The following CKAP5 variants were observed in gnomAD, a reference collection of about 807,000 sequenced individuals.
CKAP5 encodes the protein cytoskeleton associated protein 5.
In CKAP5, 27 loss-of-function variants were observed where a neutral mutation model predicts 232.8. That is an observed-to-expected ratio of 0.12 (90% CI 0.09 to 0.16). CKAP5 has a LOEUF of 0.16. CKAP5 is among the 10% of genes least tolerant of loss of function. The probability of loss-of-function intolerance (pLI) is 1.00; values close to 1 mark genes in which losing one functional copy is unlikely to be tolerated. For synonymous variants in CKAP5, 785 were observed against 841.1 expected (o/e 0.93, Z 1.16); for missense variants, 1,838 against 2,424.7 (o/e 0.76, Z 5.08).
At chr11:46,789,662 G>C (rs997725796) in intron 15 of CKAP5, among the ~76,000 whole-genome samples, 2 of 152,056 alleles carry the variant, frequency 1.3e-5, no homozygotes, top group South Asian at 2.1e-4. Flanking sequence ...CGGGTGTGGT[G>C]GTGGGCGCCT....
chr11:46,795,561 T>G (rs1327070994), intron 13 of CKAP5, 33 bp downstream of exon 13: 1 of 1,571,158 alleles, frequency 6.4e-7, no homozygotes, highest in Admixed American at 1.8e-5. Context: ...AGACCCTTCC[T>G]TACTAACTTC....
intron 32 of CKAP5, among the ~76,000 whole-genome samples, chr11:46,761,702 T>TG (rs2065156351): frequency 6.6e-6 from 1 of 152,232 alleles, no homozygotes; most frequent in African/African-American, 2.4e-5. Flanking sequence ...CAGAGCAGAC[T>TG]GCCAGGCAGA....
chr11:46,754,127 A>G (rs1453114102), intron 36 of CKAP5, among the ~76,000 whole-genome samples: 1 of 151,590 alleles, frequency 6.6e-6, no homozygotes, highest in Admixed American at 6.6e-5. Flanking sequence ...CCTCCCGAGT[A>G]GCTGGGATTA....
intron 23 of CKAP5, 119 bp from the exon 24 acceptor site, chr11:46,776,502 C>T (rs569660044): frequency 1.6e-6 from 1 of 639,478 alleles, no homozygotes; most frequent in Non-Finnish European, 2.4e-6. Context: ...CATGAACATA[C>T]ATGAAACCAT....
intron 12 of CKAP5, among the ~76,000 whole-genome samples, chr11:46,796,294 A>G (rs1938873487): frequency 6.6e-6 from 1 of 152,078 alleles, no homozygotes. Flanking sequence ...TTATTTCTTT[A>G]CAAATTAGAA....
rs771488318 is a variant in CKAP5 at position 46,778,504 on chromosome 11, G to A, written c.2529C>T (p.Asp843=). 7.4e-6 allele frequency: 12 copies of A among 1,613,930 alleles called. No individual in the cohort carries two copies. Among genetic ancestry groups the A allele is most frequent in the Admixed American group, 1.7e-5 (1 of 59,994 alleles). The change falls in exon 21 of 44, where the codon GAC becomes GAT. Residue 843 remains aspartate (D), a synonymous_variant. Transcript: ENST00000529230. ...DEGEDGDEPD[D]GSNDVVDLLP... is the part of the protein sequence containing the mutation. ...AAAGATCAACGACATCATTGCTCCCGTCATCTGGTTCATCTCCATCTTCTC... is the reference window on the plus strand; with the variant it reads ...AAAGATCAACGACATCATTGCTCCCATCATCTGGTTCATCTCCATCTTCTC...
chr11:46,759,911 A>C (rs2065141314), intron 33 of CKAP5, among the ~76,000 whole-genome samples: 1 of 152,126 alleles, frequency 6.6e-6, no homozygotes, highest in Non-Finnish European at 1.5e-5. Flanking sequence ...ATTTTGTGAG[A>C]CCACCAGTCA....
chr11:46,842,873 A>C (rs1259904187), intron 1 of CKAP5, among the ~76,000 whole-genome samples: 2 of 147,576 alleles, frequency 1.4e-5, no homozygotes, highest in African/African-American at 5.1e-5. Context: ...AGGCTGAGGC[A>C]GGAGAATGGC....
At position 46,778,548 on chromosome 11, in the gene CKAP5, T is replaced by C. The variant is rs903265053; in HGVS notation, c.2485A>G (p.Thr829Ala). Residue 829 changes from threonine to alanine, a missense_variant, in exon 21 of 44, where the codon ACA becomes GCA. Coordinates refer to ENST00000529230, the MANE Select transcript of CKAP5 (RefSeq NM_001008938.4). ...APTRGISKHSTSGTDEGEDGD... is the reference protein window; with the variant it reads ...APTRGISKHSASGTDEGEDGD... ...TCTTCTCCTTCATCTGTACCACTTG[T>C]GCTATGCTTGGAAATTCCTCTGGTT... The C allele has an allele frequency of 6.2e-7, 1 of 1,613,960 alleles. No individual in the cohort carries two copies. Among genetic ancestry groups the C allele is most frequent in the African/African-American group, 1.3e-5 (1 of 74,946 alleles).
intron 27 of CKAP5, among the ~76,000 whole-genome samples, chr11:46,766,377 A>C (rs2065202644): frequency 6.6e-6 from 1 of 152,246 alleles, no homozygotes; most frequent in Admixed American, 6.5e-5. Flanking sequence ...TGGGATGAGG[A>C]CAGGCAGACA....
chr11:46,830,733 A>C (rs1202646744), intron 1 of CKAP5, among the ~76,000 whole-genome samples: 1 of 152,176 alleles, frequency 6.6e-6, no homozygotes, highest in Non-Finnish European at 1.5e-5. Context: ...ACATGTTTGA[A>C]TGCACATAAA....
intron 31 of CKAP5, 21 bp downstream of exon 31, chr11:46,762,606 A>G (rs771497140): frequency 1.2e-6 from 2 of 1,613,444 alleles, no homozygotes; most frequent in South Asian, 2.2e-5. Flanking sequence ...TTCACATCTC[A>G]GTTTAAACTG....
At chr11:46,794,031 A>G (rs1163782501) in intron 13 of CKAP5, among the ~76,000 whole-genome samples, 3 of 152,224 alleles carry the variant, frequency 2.0e-5, no homozygotes, top group African/African-American at 7.2e-5. Flanking sequence ...TATTCAACAA[A>G]TGGTGCTGGG....
At chr11:46,835,332 G>A (rs949562241) in intron 1 of CKAP5, among the ~76,000 whole-genome samples, 14 of 151,884 alleles carry the variant, frequency 9.2e-5, no homozygotes, top group African/African-American at 2.9e-4. Flanking sequence ...AGGAGCAGAC[G>A]GCAGAGTATC....
chr11:46,811,236 TAGCTTTTCTTC>T (rs2134673989), intron 4 of CKAP5, 58 bp from the exon 5 acceptor site: 1 of 1,360,670 alleles, frequency 7.3e-7, no homozygotes, highest in African/African-American at 1.5e-5. Context: ...AATAAAGCAT[TAGCTTTTCTTC>T]ATTCAAACAT....
Position 46,770,959 on chromosome 11 carries a change from T to C in CKAP5, c.3015A>G (p.Lys1005=). The C allele has an allele frequency of 6.2e-7, 1 of 1,613,426 alleles. No homozygotes were observed. The highest frequency in any genetic ancestry group is 1.1e-5 in the South Asian group (1 of 91,000). The part of the protein sequence containing the change: ...RQELLGWLAE[K]LPTLRSTPTD... ...TAGGGGTGGAACGAAGAGTAGGTAG[T>C]TTCTCAGCCAGCCAGCCCAGAAGCT... Residue 1005 remains lysine, a synonymous_variant, in exon 25 of 44, where the codon AAA becomes AAG. Coordinates refer to ENST00000529230, the MANE Select transcript of CKAP5 (RefSeq NM_001008938.4).
intron 2 of CKAP5, 109 bp downstream of exon 2, chr11:46,821,066 G>C (rs1344116479): frequency 1.2e-5 from 8 of 660,198 alleles, no homozygotes; most frequent in African/African-American, 3.7e-5. Context: ...CAAGGCATCA[G>C]TATTTTTGAA....
Position 46,780,301 on chromosome 11 carries a change from T to C in CKAP5, c.2326A>G (p.Ile776Val), listed in dbSNP as rs1022876745. The C allele has an allele frequency of 2.5e-6, 4 of 1,613,992 alleles. No individual in the cohort carries two copies. The highest frequency in any genetic ancestry group is 2.7e-5 in the African/African-American group (2 of 74,928). The change falls in exon 20 of 44, where the codon ATA becomes GTA. Residue 776 changes from isoleucine to valine, a missense_variant. Transcript: ENST00000529230. ...ATNPAVRTAA[I>V]TLLGVMYLYV... ...AGATACATCACGCCAAGCAGGGTTATGGCAGCAGTCCTCACAGCCTGCCAG... is the reference window on the plus strand; with the variant it reads ...AGATACATCACGCCAAGCAGGGTTACGGCAGCAGTCCTCACAGCCTGCCAG...
intron 13 of CKAP5, among the ~76,000 whole-genome samples, chr11:46,791,341 C>G (rs183510707): frequency 6.6e-6 from 1 of 151,734 alleles, no homozygotes; most frequent in Admixed American, 6.6e-5. Context: ...CCTTGACCTC[C>G]TGGGCTTAAG....
Sources: allele counts gnomAD v4.1 joint callset (sites outside exome capture counted in the v4.1 genomes callset), GRCh38; gene constraint gnomAD v4.1.1; transcripts MANE v1.5; gene names NCBI Gene and HGNC (gene_info 2026-07-23, HGNC 2026-07-21).